Variants in SEMA3D observed in about 807,000 individuals in gnomAD.
The protein encoded by SEMA3D is semaphorin-3D.
A neutral mutation model predicts 100.1 loss-of-function variants in SEMA3D; 84 were observed. That is an observed-to-expected ratio of 0.84 (90% CI 0.70 to 1.01). SEMA3D has a LOEUF of 1.01. Ranked by LOEUF, SEMA3D falls within the 50% of genes least tolerant of loss-of-function variation. The pLI is 0.00. For missense variants in SEMA3D, 875 were observed against 934.1 expected, an observed-to-expected ratio of 0.94 and a Z score of 0.82; for synonymous variants, 312 against 320.7, an observed-to-expected ratio of 0.97 and a Z score of 0.29.
chr7:85,247,210 C>T, the SEMA3D span, among the ~76,000 whole-genome samples: 1 of 152,006 alleles, frequency 6.6e-6, no homozygotes, highest in Non-Finnish European at 1.5e-5. Context: ...AGAAGAGATG[C>T]ACACAAGGTA....
chr7:85,118,015 G>A (rs1789295540), intron 3 of SEMA3D, among the ~76,000 whole-genome samples: 1 of 151,820 alleles, frequency 6.6e-6, no homozygotes, highest in African/African-American at 2.4e-5. Flanking sequence ...TCTAGATATG[G>A]CTCCAGTTTA....
At chr7:85,024,785 T>C (rs985783372) in intron 12 of SEMA3D, among the ~76,000 whole-genome samples, 1 of 151,904 alleles carries the variant, frequency 6.6e-6, no homozygotes, top group African/African-American at 2.4e-5. Context: ...CTCTCTGAGG[T>C]TTAGGATAGT....
chr7:85,050,086 C>T (rs1317373462), intron 9 of SEMA3D, among the ~76,000 whole-genome samples: 1 of 144,982 alleles, frequency 6.9e-6, no homozygotes, highest in Non-Finnish European at 1.5e-5. Context: ...CACACACACA[C>T]ACACACACAC....
At chr7:85,013,376 G>T (rs1188393537) in intron 16 of SEMA3D, among the ~76,000 whole-genome samples, 1 of 151,588 alleles carries the variant, frequency 6.6e-6, no homozygotes, top group African/African-American at 2.4e-5. Flanking sequence ...TGGTATAAAA[G>T]ACTACCTGTT....
the SEMA3D span, among the ~76,000 whole-genome samples, chr7:85,244,691 C>T: frequency 2.8e-4 from 42 of 149,756 alleles, no homozygotes; most frequent in African/African-American, 8.3e-4. Context: ...GGCAAAATCC[C>T]GGATGTACTG....
At chr7:85,146,763 C>A (rs1790217656) in intron 2 of SEMA3D, among the ~76,000 whole-genome samples, 1 of 151,938 alleles carries the variant, frequency 6.6e-6, no homozygotes, top group Admixed American at 6.6e-5. Context: ...ACAATAAAAT[C>A]TCCAGATATG....
rs3078412 is a variant in SEMA3D at position 85,150,346 on chromosome 7, A to AATATATAT, written c.-41+3254_-41+3261dup. Among the ~76,000 whole-genome samples, 360 of 121,226 alleles carry AATATATAT rather than the reference A, an allele frequency of 3.0e-3. 3 individuals are homozygous for AATATATAT. The highest frequency in any genetic ancestry group is 6.8e-3 in the South Asian group (25 of 3,698). 79.5% of individuals were successfully genotyped at this position (121,226 alleles called of 152,430 possible). A position where few individuals can be genotyped will look rare whatever the true frequency, so the allele number is the denominator to read the frequency against. The stretch of plus-strand genomic sequence containing the variant: ...TTTCTGTTCTAAATACTTTTCTAGA[A>AATATATAT]ATATATATATATATATATATATTAT... On this transcript the variant is annotated intron_variant, in intron 2 of 18. Transcript: ENST00000284136.
intron 7 of SEMA3D, among the ~76,000 whole-genome samples, chr7:85,066,913 CAGAGAGAGAG>C (rs201123647): frequency 3.9e-4 from 50 of 127,820 alleles, no homozygotes; most frequent in East Asian, 2.1e-3. Flanking sequence ...CACACACACA[CAGAGAGAGAG>C]AGAGAGAGAG....
chr7:85,112,224 A>G (rs781570100), intron 3 of SEMA3D, among the ~76,000 whole-genome samples: 6 of 152,300 alleles, frequency 3.9e-5, no homozygotes, highest in Non-Finnish European at 7.4e-5. Flanking sequence ...TTAATTTCAC[A>G]GCTAAATAAT....
intron 8 of SEMA3D, among the ~76,000 whole-genome samples, chr7:85,061,220 C>T (rs1391239750): frequency 6.6e-6 from 1 of 152,040 alleles, no homozygotes; most frequent in Non-Finnish European, 1.5e-5. Flanking sequence ...TTGTATCCTC[C>T]TCGTAAGGTA....
intron 6 of SEMA3D, among the ~76,000 whole-genome samples, chr7:85,072,703 G>A (rs778919603): frequency 3.9e-5 from 6 of 152,038 alleles, no homozygotes; most frequent in African/African-American, 7.2e-5. Flanking sequence ...TTACTATATC[G>A]TTCATAAACT....
chr7:85,017,075 A>T (rs550412571), intron 15 of SEMA3D, among the ~76,000 whole-genome samples: 17 of 151,880 alleles, frequency 1.1e-4, no homozygotes, highest in African/African-American at 3.9e-4. Context: ...CTCTAATTGT[A>T]CACAAACTTA....
At chr7:85,233,763 C>T in the SEMA3D span, among the ~76,000 whole-genome samples, 1 of 152,138 alleles carries the variant, frequency 6.6e-6, no homozygotes, top group African/African-American at 2.4e-5. Flanking sequence ...AGAATAAAAA[C>T]AGTAATAGAA....
intron 1 of SEMA3D, among the ~76,000 whole-genome samples, chr7:85,172,619 G>A (rs1446524581): frequency 6.6e-6 from 1 of 152,042 alleles, no homozygotes; most frequent in African/African-American, 2.4e-5. Flanking sequence ...TGCTTCTTGA[G>A]GGATGAATGC....
intron 4 of SEMA3D, among the ~76,000 whole-genome samples, chr7:85,095,464 G>T (rs1398329478): frequency 6.6e-6 from 1 of 151,848 alleles, no homozygotes; most frequent in Non-Finnish European, 1.5e-5. Flanking sequence ...ATATGTTGTA[G>T]ATTGCTTTAA....
At chr7:85,067,191 TA>T (rs1480884453) in intron 7 of SEMA3D, among the ~76,000 whole-genome samples, 1 of 152,172 alleles carries the variant, frequency 6.6e-6, no homozygotes, top group Non-Finnish European at 1.5e-5. Context: ...ACACAAAAAT[TA>T]GATCTGAATA....
chr7:85,067,702 T>C (rs1335048206), intron 7 of SEMA3D, among the ~76,000 whole-genome samples: 2 of 152,200 alleles, frequency 1.3e-5, no homozygotes, highest in African/African-American at 4.8e-5. Flanking sequence ...GAAGACTAGC[T>C]ATGCTAGCAT....
At chr7:85,133,083 T>G (rs1789771331) in intron 2 of SEMA3D, among the ~76,000 whole-genome samples, 1 of 151,958 alleles carries the variant, frequency 6.6e-6, no homozygotes, top group South Asian at 2.1e-4. Context: ...GCCACATATT[T>G]ATAAAAAAAA....
At chr7:85,181,921 T>A (rs1430498287) in intron 1 of SEMA3D, 1 of 183,036 alleles carries the variant, frequency 5.5e-6, no homozygotes, top group Non-Finnish European at 1.0e-5. Context: ...AACAGTATAC[T>A]TCATTATAAT....
Sources: gnomAD v4.1 joint callset for allele counts (sites outside exome capture counted in the v4.1 genomes callset) on GRCh38, gnomAD v4.1.1 for gene constraint, MANE v1.5 for transcripts, NCBI Gene and HGNC (gene_info 2026-07-23, HGNC 2026-07-21) for gene names.